BEGAIN: variants seen among roughly 807,000 people sequenced by gnomAD.
The protein encoded by BEGAIN is brain enriched guanylate kinase associated.
In BEGAIN, 19 loss-of-function variants were observed where a neutral mutation model predicts 35.8. The observed-to-expected ratio is 0.53, with a 90% confidence interval of 0.37 to 0.78. The LOEUF is 0.78. Among genes scored for constraint, BEGAIN ranks in the 30% least tolerant of loss-of-function variants. The probability of loss-of-function intolerance (pLI) is 0.00; values close to 1 mark genes in which losing one functional copy is unlikely to be tolerated. For synonymous variants in BEGAIN, 462 were observed against 388.6 expected, an observed-to-expected ratio of 1.19 and a Z score of -2.22; for missense variants, 795 against 853.6, an observed-to-expected ratio of 0.93 and a Z score of 0.85.
At chr14:100,581,498 C>T (rs2035315043) in intron 1 of BEGAIN, among the ~76,000 whole-genome samples, 2 of 152,208 alleles carry the variant, frequency 1.3e-5, no homozygotes. Context: ...CCTCTTGACT[C>T]ATCTGATTCA....
chr14:100,539,015 T>C lies in BEGAIN; in HGVS notation c.793A>G (p.Ser265Gly). 1 of 1,611,014 alleles carries C rather than the reference T, an allele frequency of 6.2e-7. No individual in the cohort carries two copies. The highest frequency in any genetic ancestry group is 8.5e-7 in the Non-Finnish European group (1 of 1,179,218). The change falls in exon 7 of 7, where the codon AGC becomes GGC. Residue 265 changes from serine to glycine, a missense_variant. Transcript: ENST00000554140. ...ACGTCGGTCACGGGCGCGTCCACGC[T>C]AGGCCGCCGGTCTCGCCGCCGCTCC... Reference protein sequence around the residue: ...PEERRRDRRPSVDAPVTDVGF... With the variant: ...PEERRRDRRPGVDAPVTDVGF...
intron 3 of BEGAIN, chr14:100,545,462 A>G: frequency 9.7e-7 from 1 of 1,027,362 alleles, no homozygotes; most frequent in African/African-American, 1.7e-5. Flanking sequence ...AAGAAACTTA[A>G]CACTAACTAT....
At chr14:100,566,616 T>C (rs900832211) in intron 2 of BEGAIN, among the ~76,000 whole-genome samples, 1 of 152,016 alleles carries the variant, frequency 6.6e-6, no homozygotes, top group Non-Finnish European at 1.5e-5. Flanking sequence ...GGGCCTGAGG[T>C]CATCTGTGTG....
chr14:100,562,404 G>A (rs909353088), intron 2 of BEGAIN, among the ~76,000 whole-genome samples: 1 of 152,082 alleles, frequency 6.6e-6, no homozygotes, highest in South Asian at 2.1e-4. Flanking sequence ...GTGCAGCGGG[G>A]CTTTGCTAAA....
intron 2 of BEGAIN, among the ~76,000 whole-genome samples, chr14:100,551,223 G>A (rs2033162110): frequency 6.6e-6 from 1 of 152,222 alleles, no homozygotes. Context: ...GGAAGGACAT[G>A]GGCCCGGCCC....
Position 100,567,919 on chromosome 14 carries a change from C to A in BEGAIN, c.63G>T (p.Glu21Asp). The A allele has an allele frequency of 6.8e-7, 1 of 1,463,946 alleles. No homozygotes were observed. Among genetic ancestry groups the A allele is most frequent in the African/African-American group, 1.5e-5 (1 of 67,202 alleles). The allele number at this position is 1,463,946 out of a possible 1,614,324, so 90.7% of individuals were successfully genotyped here. A position where few individuals can be genotyped will look rare whatever the true frequency, so the allele number is the denominator to read the frequency against. ...GGAGACGCTCCACTCACCTGAGTTT[C>A]TCCATGTCTGCGGCAGAGGCCTGCG... is the stretch of plus-strand genomic sequence containing the variant. ...LRRAASAADM[E>D]KLSALQEQKG... The change falls in exon 2 of 7, where the codon GAG (glutamate) becomes GAT (aspartate). Residue 21 changes from glutamate to aspartate, a missense_variant. Physicochemically the swap from Glu to Asp is conservative, Grantham distance 45. This residue lies in a region of BEGAIN where 58 missense variants were observed against 62.7 expected (regional missense o/e 0.92). Transcript: ENST00000554140. This position sits in a 1 kb window ranked among gnomAD's most constrained non-coding sequence, Gnocchi z 5.1.
intron 4 of BEGAIN, among the ~76,000 whole-genome samples, chr14:100,544,207 CAG>C (rs2032044677): frequency 6.6e-6 from 1 of 152,190 alleles, no homozygotes; most frequent in Admixed American, 6.5e-5. Flanking sequence ...ATGTGCAACA[CAG>C]AGGTGACAGC....
intron 1 of BEGAIN, among the ~76,000 whole-genome samples, chr14:100,584,879 C>G (rs969881277): frequency 6.6e-6 from 1 of 152,078 alleles, no homozygotes; most frequent in Non-Finnish European, 1.5e-5. Context: ...TGATTCTAGA[C>G]CAACACGGCG....
At chr14:100,552,321 C>A (rs1406571910) in intron 2 of BEGAIN, among the ~76,000 whole-genome samples, 1 of 152,210 alleles carries the variant, frequency 6.6e-6, no homozygotes, top group Non-Finnish European at 1.5e-5. Flanking sequence ...TACTGAGCAT[C>A]ACTGGTGACC....
In BEGAIN at chr14:100,568,679, A is replaced by G. The variant is rs1443617988; in HGVS notation, c.43-740T>C. ...CGGGCAGCCCCTCCGCGCGCCGGGC[A>G]GGGGGACCCACCCGCCGCCGTTAAC... On this transcript the variant is annotated intron_variant, in intron 1 of 6. Coordinates refer to ENST00000554140, the MANE Select transcript of BEGAIN (RefSeq NM_001385089.1). This position sits in a 1 kb window ranked among gnomAD's most constrained non-coding sequence, Gnocchi z 7.5. Among the ~76,000 whole-genome samples the G allele has an allele frequency of 5.3e-5, 8 of 151,128 alleles. No individual in the cohort carries two copies. Among genetic ancestry groups the G allele is most frequent in the African/African-American group, 1.9e-4 (8 of 41,292 alleles).
rs1275474220 is a variant in BEGAIN at position 100,586,203 on chromosome 14, G to A, written c.42+1046C>T. On this transcript the variant is annotated intron_variant, in intron 1 of 6. Transcript: ENST00000554140. This position sits in a 1 kb window ranked among gnomAD's most constrained non-coding sequence, Gnocchi z 4.9. ...AGTAGTGGGGGTCTCTGCTGCTCTT[G>A]GCAGGCAGAGGAACTAGGGTCCAGA... 6.6e-6 allele frequency among the ~76,000 whole-genome samples: 1 copy of A among 152,194 alleles called. No homozygotes were observed. The highest frequency in any genetic ancestry group is 2.4e-5 in the African/African-American group (1 of 41,452).
At chr14:100,544,091 G>C (rs1480324106) in intron 4 of BEGAIN, 126 bp from the exon 5 acceptor site, 4 of 661,306 alleles carry the variant, frequency 6.0e-6, no homozygotes, top group Non-Finnish European at 1.1e-5. Flanking sequence ...GAGGGCCAAG[G>C]GTGTGGGGTT....
chr14:100,545,134 C>G, intron 3 of BEGAIN, 68 bp from the exon 4 acceptor site: 1 of 1,607,310 alleles, frequency 6.2e-7, no homozygotes, highest in Non-Finnish European at 8.5e-7. Flanking sequence ...TATGGCCGCA[C>G]AGCCTGCTGA....
intron 2 of BEGAIN, among the ~76,000 whole-genome samples, chr14:100,565,138 C>G (rs947799589): frequency 6.6e-6 from 1 of 152,224 alleles, no homozygotes; most frequent in African/African-American, 2.4e-5. Flanking sequence ...GAGGGCCAAC[C>G]GGGTCTTTTC....
intron 1 of BEGAIN, among the ~76,000 whole-genome samples, chr14:100,576,194 G>A (rs761761808): frequency 3.3e-5 from 5 of 152,224 alleles, no homozygotes; most frequent in African/African-American, 4.8e-5. Context: ...CAGGGAAAGG[G>A]CTGGCAGGGC....
intron 2 of BEGAIN, among the ~76,000 whole-genome samples, chr14:100,556,505 G>C (rs111548060): frequency 0.025 from 3,754 of 152,252 alleles, 139 homozygotes; most frequent in African/African-American, 0.078. Flanking sequence ...CCTTGGCACA[G>C]GCTGCCCCCT....
chr14:100,545,306 CG>C, intron 3 of BEGAIN: 2 of 1,349,738 alleles, frequency 1.5e-6, no homozygotes, highest in Non-Finnish European at 1.9e-6. Context: ...CCCTCCACCC[CG>C]GGACCCCCTG....
In BEGAIN at chr14:100,538,863, C is replaced by T. The variant is rs754036760; in HGVS notation, c.945G>A (p.Thr315=). 5.0e-6 allele frequency: 8 copies of T among 1,607,604 alleles called. No homozygotes were observed. The highest frequency in any genetic ancestry group is 6.8e-6 in the Non-Finnish European group (8 of 1,178,458). The part of the protein sequence containing the change: ...AFPSYAGSLP[T]SSSYSSFSAT... The stretch of plus-strand genomic sequence containing the variant: ...CGCTGAAGCTGGAGTAGGAGCTGGA[C>T]GTGGGCAGTGAGCCTGCGTAGCTGG... Residue 315 remains threonine (T), a synonymous_variant, in exon 7 of 7, where the codon ACG becomes ACA. Transcript: ENST00000554140.
In BEGAIN at chr14:100,538,074, G is replaced by A; in HGVS notation, c.1734C>T (p.Ala578=). The stretch of plus-strand genomic sequence containing the variant: ...AGGCCTGCTGGGGGCTGAGGCGGGC[G>A]GCAGGATGCATTTCCGGGGAGGCCT... ...SMEASPEMHP[A]ARLSPQQAFP... is the part of the protein sequence containing the mutation. The change falls in exon 7 of 7, where the codon GCC becomes GCT. Residue 578 remains alanine (A), a synonymous_variant. Coordinates refer to ENST00000554140, the MANE Select transcript of BEGAIN (RefSeq NM_001385089.1). The A allele has an allele frequency of 1.3e-6, 2 of 1,593,390 alleles. No individual in the cohort carries two copies. Among genetic ancestry groups the A allele is most frequent in the Non-Finnish European group, 1.7e-6 (2 of 1,171,740 alleles).
Sources: allele counts gnomAD v4.1 joint callset (sites outside exome capture counted in the v4.1 genomes callset), GRCh38; gene constraint gnomAD v4.1.1; regional missense constraint gnomAD v4.1.1; non-coding constraint Gnocchi (gnomAD v3.1); transcripts MANE v1.5; gene names NCBI Gene and HGNC (gene_info 2026-07-23, HGNC 2026-07-21).